PDE1A: variants seen among roughly 807,000 people sequenced by gnomAD.
PDE1A encodes phosphodiesterase 1A.
Under a neutral mutation model 61.7 loss-of-function variants are expected in PDE1A, and 35 were observed. The ratio of observed to expected loss-of-function variants is 0.57; its 90% CI spans 0.43 to 0.75. The LOEUF (loss-of-function observed/expected upper bound fraction) is 0.75, where lower values mean the gene tolerates loss of function less well. Among genes scored for constraint, PDE1A ranks in the 30% least tolerant of loss-of-function variants. The pLI is 0.00. For synonymous variants in PDE1A, 232 were observed against 213.2 expected (o/e 1.09, Z -0.77); for missense variants, 597 against 630.6 (o/e 0.95, Z 0.57).
chr2:182,334,190 A>G (rs1697619336), intron 1 of PDE1A, among the ~76,000 whole-genome samples: 1 of 152,070 alleles, frequency 6.6e-6, no homozygotes, highest in African/African-American at 2.4e-5. Flanking sequence ...AAACTATTCC[A>G]AACAATGGAA....
the PDE1A span, among the ~76,000 whole-genome samples, chr2:182,551,230 A>G: frequency 6.6e-6 from 1 of 152,150 alleles, no homozygotes; most frequent in South Asian, 2.1e-4. Flanking sequence ...TTTTGACAAT[A>G]GCTATAGGTG....
the PDE1A span, among the ~76,000 whole-genome samples, chr2:182,626,860 CAT>C: frequency 9.6e-3 from 237 of 24,774 alleles, 14 homozygotes; most frequent in Middle Eastern, 0.11. Context: ...TATATATATA[CAT>C]ATATATATAC....
At chr2:182,429,538 G>A (rs1215014228), upstream of PDE1A, among the ~76,000 whole-genome samples, 7 of 151,854 alleles carry the variant, frequency 4.6e-5, no homozygotes, top group African/African-American at 9.7e-5. Context: ...AGTCTAACAC[G>A]TTCACACACA....
chr2:182,609,588 CACCATG>C, the PDE1A span, among the ~76,000 whole-genome samples: 1 of 152,208 alleles, frequency 6.6e-6, no homozygotes, highest in South Asian at 2.1e-4. Context: ...CTGTAACACT[CACCATG>C]AAGGTCTGCA....
the PDE1A span, among the ~76,000 whole-genome samples, chr2:182,559,122 C>T: frequency 6.6e-6 from 1 of 152,022 alleles, no homozygotes; most frequent in Non-Finnish European, 1.5e-5. Context: ...TTATATTTGC[C>T]CAGTGATCAG....
chr2:182,193,264 G>A (rs1685866509), intron 10 of PDE1A, among the ~76,000 whole-genome samples: 1 of 152,082 alleles, frequency 6.6e-6, no homozygotes, highest in African/African-American at 2.4e-5. Flanking sequence ...GGTATTACAG[G>A]CGTGAGCCAC....
At chr2:182,524,781 A>G (rs1015897304), upstream of PDE1A, among the ~76,000 whole-genome samples, 1 of 152,034 alleles carries the variant, frequency 6.6e-6, no homozygotes, top group African/African-American at 2.4e-5. Context: ...TTGAGAAAAT[A>G]GTCATAAAAA....
intron 1 of PDE1A, among the ~76,000 whole-genome samples, chr2:182,384,732 T>C (rs1202870709): frequency 6.6e-6 from 1 of 151,936 alleles, no homozygotes; most frequent in Non-Finnish European, 1.5e-5. Flanking sequence ...AAGTGAAATA[T>C]AAAGGGATAG....
intron 2 of PDE1A, among the ~76,000 whole-genome samples, chr2:182,441,294 A>G (rs1186589766): frequency 6.6e-6 from 1 of 152,108 alleles, no homozygotes; most frequent in East Asian, 1.9e-4. Context: ...GTGGGGACAA[A>G]GCCAAACCAT....
chr2:182,225,321 T>A (rs2125616874), intron 6 of PDE1A, among the ~76,000 whole-genome samples: 1 of 151,990 alleles, frequency 6.6e-6, no homozygotes. Flanking sequence ...TGATGAGAAT[T>A]GATGAATTTA....
At chr2:182,289,781 C>T (rs182242667) in intron 1 of PDE1A, among the ~76,000 whole-genome samples, 38 of 152,140 alleles carry the variant, frequency 2.5e-4, no homozygotes, top group African/African-American at 7.9e-4. Context: ...TCTATTATTA[C>T]TCCTAACCTA....
At chr2:182,493,303 T>C (rs1396312797) in intron 2 of PDE1A, among the ~76,000 whole-genome samples, 3 of 151,558 alleles carry the variant, frequency 2.0e-5, no homozygotes, top group Non-Finnish European at 4.4e-5. Flanking sequence ...ATATATATAC[T>C]TTAAGTTCTA....
chr2:182,234,369 G>C, intron 4 of PDE1A, 63 bp downstream of exon 4: 2 of 1,084,474 alleles, frequency 1.8e-6, no homozygotes, highest in Non-Finnish European at 2.8e-6. Flanking sequence ...TTTTCTCATA[G>C]CCTTTTTAAG....
the PDE1A span, among the ~76,000 whole-genome samples, chr2:182,692,538 A>T: frequency 6.6e-6 from 1 of 151,938 alleles, no homozygotes; most frequent in African/African-American, 2.4e-5. Context: ...GGGAGTGGGT[A>T]GGGATAGCAT....
the PDE1A span, among the ~76,000 whole-genome samples, chr2:182,690,955 A>C: frequency 4.5e-4 from 68 of 152,300 alleles, no homozygotes; most frequent in African/African-American, 1.5e-3. Flanking sequence ...TAAAATACCT[A>C]GGAATCCAAC....
chr2:182,700,737 A>C, the PDE1A span, among the ~76,000 whole-genome samples: 28 of 144,066 alleles, frequency 1.9e-4, 1 homozygote, highest in Admixed American at 1.5e-3. Context: ...AAAAAAAAAA[A>C]AAACAGAAAG....
chr2:182,265,637 T>A (rs1483274124), intron 1 of PDE1A, among the ~76,000 whole-genome samples: 2 of 152,130 alleles, frequency 1.3e-5, no homozygotes, highest in Non-Finnish European at 2.9e-5. Flanking sequence ...AATTGTTATA[T>A]AGCAATAGGT....
At chr2:182,210,322 A>G (rs1687477270) in intron 7 of PDE1A, among the ~76,000 whole-genome samples, 3 of 152,048 alleles carry the variant, frequency 2.0e-5, no homozygotes, top group Admixed American at 2.0e-4. Context: ...AGTGTTATGG[A>G]TTTTGGCCAT....
chr2:182,241,938 T>C (rs761962738), intron 2 of PDE1A: 1 of 1,510,406 alleles, frequency 6.6e-7, no homozygotes, highest in Non-Finnish European at 8.8e-7. Flanking sequence ...CCCTAGCCCA[T>C]TTCAGCAAGT....
Sources: gnomAD v4.1 joint callset for allele counts (sites outside exome capture counted in the v4.1 genomes callset) on GRCh38, gnomAD v4.1.1 for gene constraint, MANE v1.5 for transcripts, NCBI Gene and HGNC (gene_info 2026-07-23, HGNC 2026-07-21) for gene names.